The following FAM184B variants were observed in gnomAD, a reference collection of about 807,000 sequenced individuals.
FAM184B encodes family with sequence similarity 184 member B, also known as protein FAM184B.
FAM184B carries 111 observed loss-of-function variants against 135.9 expected under a neutral mutation model. That is an observed-to-expected ratio of 0.82 (90% CI 0.70 to 0.96). The LOEUF is 0.96. Ranked by LOEUF, FAM184B falls within the 40% of genes least tolerant of loss-of-function variation. The pLI, the probability that FAM184B is intolerant of heterozygous loss-of-function variation, is 0.00. For synonymous variants in FAM184B, 552 were observed against 524.8 expected (o/e 1.05, Z -0.71); for missense variants, 1,375 against 1,323.9 (o/e 1.04, Z -0.60).
chr4:17,746,863 C>T (rs1718179232), intron 1 of FAM184B, among the ~76,000 whole-genome samples: 1 of 151,458 alleles, frequency 6.6e-6, no homozygotes, highest in East Asian at 1.9e-4. Flanking sequence ...CATGGAGAAA[C>T]CCCATCTCTA....
intron 6 of FAM184B, among the ~76,000 whole-genome samples, chr4:17,692,314 C>A (rs1716757723): frequency 6.6e-6 from 1 of 152,156 alleles, no homozygotes; most frequent in South Asian, 2.1e-4. Flanking sequence ...TGGGCCAGAA[C>A]AGAAGCCTCT....
Position 17,781,318 on chromosome 4 carries a change from A to G in FAM184B, c.-19T>C. The stretch of plus-strand genomic sequence containing the variant: ...AAGCCATCGCTAAAACGCGCCCAGC[A>G]CTCAGACTCTCTCGTTTTCTCCCTG... On this transcript the variant is annotated 5_prime_UTR_variant, in exon 1 of 18. Transcript: ENST00000265018. The surrounding 1 kb of genome is among the most constrained non-coding windows in gnomAD (Gnocchi z 6.5). The G allele has an allele frequency of 1.3e-6, 2 of 1,513,236 alleles. No homozygotes were observed. The highest frequency in any genetic ancestry group is 1.8e-6 in the Non-Finnish European group (2 of 1,123,638). The allele number at this position is 1,513,236 out of a possible 1,614,324, so 93.7% of individuals were successfully genotyped here.
chr4:17,652,148 T>TC (rs1715637574), intron 11 of FAM184B, among the ~76,000 whole-genome samples: 1 of 144,420 alleles, frequency 6.9e-6, no homozygotes, highest in Admixed American at 6.9e-5. Flanking sequence ...TTTTTTTTTT[T>TC]GAGTCTTGCA....
rs554172404 is a variant in FAM184B at position 17,639,368 on chromosome 4, G to T, written c.2548C>A (p.Arg850=). Residue 850 remains arginine, a synonymous_variant, in exon 14 of 18, where the codon CGG becomes AGG. Coordinates refer to ENST00000265018, the MANE Select transcript of FAM184B (RefSeq NM_015688.2). Reference sequence around the variant, plus strand: ...CGCAGTGTCTCCACCTCCCTGGCCCGCTGGGCTTGCTGAGTCTCCTCCAGG... The same window carrying T: ...CGCAGTGTCTCCACCTCCCTGGCCCTCTGGGCTTGCTGAGTCTCCTCCAGG... ...RFLEETQQAQ[R]AREVETLRQE... The T allele has an allele frequency of 3.9e-6, 6 of 1,551,648 alleles. No individual in the cohort carries two copies. The South Asian group carries it at 4.8e-5, about 12-fold the overall frequency.
chr4:17,700,364 A>G (rs1044151064), intron 5 of FAM184B, among the ~76,000 whole-genome samples: 1 of 152,212 alleles, frequency 6.6e-6, no homozygotes, highest in African/African-American at 2.4e-5. Flanking sequence ...ACATGCTGGA[A>G]TATACATATA....
chr4:17,700,861 A>C (rs1358881852), intron 5 of FAM184B, among the ~76,000 whole-genome samples: 4 of 152,246 alleles, frequency 2.6e-5, no homozygotes, highest in Admixed American at 6.5e-5. Context: ...AAATAGTTGG[A>C]CATTGAACAA....
At chr4:17,664,809 G>A (rs2108944738) in intron 7 of FAM184B, 150 bp from the exon 8 acceptor site, 1 of 632,860 alleles carries the variant, frequency 1.6e-6, no homozygotes, top group Non-Finnish European at 2.7e-6. Context: ...TGCAGGGGAT[G>A]CCAAGGCTTG....
At chr4:17,652,700 C>T in intron 11 of FAM184B, 130 bp downstream of exon 11, 2 of 1,111,450 alleles carry the variant, frequency 1.8e-6, no homozygotes, top group Non-Finnish European at 2.5e-6. Flanking sequence ...GGCCTGTGAG[C>T]CTGAGATTCC....
At chr4:17,708,134 T>C (rs1717157947) in intron 2 of FAM184B, among the ~76,000 whole-genome samples, 2 of 152,184 alleles carry the variant, frequency 1.3e-5, no homozygotes. Context: ...TTTAGGTTGC[T>C]ATGAAACTAA....
At chr4:17,635,449 T>A (rs554837407) in intron 15 of FAM184B, among the ~76,000 whole-genome samples, 1 of 152,202 alleles carries the variant, frequency 6.6e-6, no homozygotes, top group Non-Finnish European at 1.5e-5. Flanking sequence ...TTGCCGCCTT[T>A]CTTCCTCTGT....
chr4:17,744,490 C>CACGA (rs1553841920), intron 1 of FAM184B, among the ~76,000 whole-genome samples: 1 of 137,394 alleles, frequency 7.3e-6, no homozygotes, highest in African/African-American at 2.8e-5. Context: ...CACACACACA[C>CACGA]CACACACACA....
chr4:17,635,674 T>TA (rs1336538634), intron 15 of FAM184B, among the ~76,000 whole-genome samples: 6 of 79,326 alleles, frequency 7.6e-5, no homozygotes, highest in East Asian at 9.9e-4. Flanking sequence ...AAGGATTACT[T>TA]TAAAAAAAAA....
rs774721891 is a variant in FAM184B, at chr4:17,693,338, T to G, written c.1452A>C (p.Ala484=). The G allele has an allele frequency of 6.4e-7, 1 of 1,551,752 alleles. No individual in the cohort carries two copies. The highest frequency in any genetic ancestry group is 1.2e-5 in the South Asian group (1 of 84,064). The change falls in exon 6 of 18, where the codon GCA becomes GCC. Residue 484 remains alanine (A), a synonymous_variant. Coordinates refer to ENST00000265018, the MANE Select transcript of FAM184B (RefSeq NM_015688.2). The part of the protein sequence containing the change: ...KEIKQLEEEK[A]ALNVKLQNSL... ...AATTCTGAAGCTTCACATTGAGGGC[T>G]GCTTTCTCTTCTTCCAGCTGCTTTA...
At chr4:17,664,081 T>C (rs1272129223) in intron 8 of FAM184B, among the ~76,000 whole-genome samples, 3 of 152,124 alleles carry the variant, frequency 2.0e-5, no homozygotes, top group African/African-American at 7.2e-5. Flanking sequence ...AACGACCTAA[T>C]ATACCCGCAG....
intron 5 of FAM184B, among the ~76,000 whole-genome samples, chr4:17,694,823 G>A (rs1180322820): frequency 6.6e-6 from 1 of 152,188 alleles, no homozygotes; most frequent in Non-Finnish European, 1.5e-5. Context: ...CAAACACTAG[G>A]TTGGATGGAG....
chr4:17,775,890 G>C (rs1347466332), intron 1 of FAM184B, among the ~76,000 whole-genome samples: 4 of 152,078 alleles, frequency 2.6e-5, no homozygotes, highest in African/African-American at 9.7e-5. Context: ...ATAGCTCCTG[G>C]GTACAATGTA....
intron 7 of FAM184B, among the ~76,000 whole-genome samples, chr4:17,669,093 TTACTC>T (rs1404944555): frequency 1.3e-5 from 2 of 152,216 alleles, no homozygotes; most frequent in African/African-American, 2.4e-5. Context: ...TCCTCCCTCT[TTACTC>T]TATGTAACTA....
chr4:17,721,500 G>C (rs1312576388), intron 1 of FAM184B, among the ~76,000 whole-genome samples: 2 of 151,958 alleles, frequency 1.3e-5, no homozygotes, highest in Non-Finnish European at 2.9e-5. Context: ...GGACAGGAAG[G>C]GGAAGAAAAT....
chr4:17,650,313 G>T (rs1285353124), intron 11 of FAM184B, among the ~76,000 whole-genome samples: 1 of 151,956 alleles, frequency 6.6e-6, no homozygotes, highest in Non-Finnish European at 1.5e-5. Flanking sequence ...GATATAAGAA[G>T]AAGAATAATC....
Sources: gnomAD v4.1 joint callset for allele counts (sites outside exome capture counted in the v4.1 genomes callset) on GRCh38, gnomAD v4.1.1 for gene constraint, Gnocchi (gnomAD v3.1) non-coding constraint, MANE v1.5 for transcripts, NCBI Gene and HGNC (gene_info 2026-07-23, HGNC 2026-07-21) for gene names.